Variants in PCDH11Y observed in about 807,000 individuals in gnomAD.
PCDH11Y encodes the protein protocadherin 11 Y-linked.
For missense variants in PCDH11Y, 12 were observed against 224.8 expected (o/e 0.05, Z 6.05); for synonymous variants, 9 against 83.6 (o/e 0.11, Z 4.87).
intron 2 of PCDH11Y, among the ~76,000 whole-genome samples, chrY:5,242,760 C>G: frequency 6.1e-5 from 2 of 32,706 alleles, no homozygotes; most frequent in Non-Finnish European, 7.5e-5. Flanking sequence ...GTCTCAATCA[C>G]AAATGATACC....
chrY:5,397,154 T>C, intron 2 of PCDH11Y, among the ~76,000 whole-genome samples: 1 of 33,783 alleles, frequency 3.0e-5, no homozygotes, highest in Non-Finnish European at 7.3e-5. Context: ...ATGAACATGG[T>C]ACGCCTTTTC....
At chrY:5,605,979 T>G in intron 4 of PCDH11Y, among the ~76,000 whole-genome samples, 1 of 29,999 alleles carries the variant, frequency 3.3e-5, no homozygotes, top group Admixed American at 3.2e-4. Flanking sequence ...TTTCCTAAAC[T>G]TTTTCTTTCT....
At chrY:5,699,855 G>T (rs2053575989) in intron 4 of PCDH11Y, among the ~76,000 whole-genome samples, 1 of 33,209 alleles carries the variant, frequency 3.0e-5, no homozygotes, top group Admixed American at 2.7e-4. Flanking sequence ...TGATCAGCAG[G>T]TTGCATAGAT....
In PCDH11Y at chrY:5,262,119, A is replaced by T; in HGVS notation, c.3129+161412A>T. Among the ~76,000 whole-genome samples the T allele has an allele frequency of 1.2e-4, 4 of 32,842 alleles. No homozygotes were observed. In the South Asian group the frequency reaches 2.7e-3, roughly 22 times the overall value. 88.1% of individuals were successfully genotyped at this position (32,842 alleles called of 37,273 possible). A position where few individuals can be genotyped will look rare whatever the true frequency, so the allele number is the denominator to read the frequency against. ...GTAAAATGATTTATATTCCTTTGGG[A>T]TTCCTTTGGTTGGTCAAATGGTATT... On this transcript the variant is annotated intron_variant, in intron 2 of 4. Coordinates refer to the PCDH11Y transcript ENST00000400457.
At chrY:5,166,046 G>T in intron 2 of PCDH11Y, among the ~76,000 whole-genome samples, 1 of 32,512 alleles carries the variant, frequency 3.1e-5, no homozygotes, top group Non-Finnish European at 7.7e-5. Flanking sequence ...TTAAGGAAAT[G>T]GAATTCCTTG....
intron 3 of PCDH11Y, among the ~76,000 whole-genome samples, chrY:5,506,053 C>T: frequency 3.2e-5 from 1 of 31,365 alleles, no homozygotes; most frequent in South Asian, 7.2e-4. Flanking sequence ...TAAAACTCAG[C>T]CTTTCATAAT....
At chrY:5,613,936 T>C in intron 4 of PCDH11Y, among the ~76,000 whole-genome samples, 7 of 27,125 alleles carry the variant, frequency 2.6e-4, no homozygotes, top group African/African-American at 1.0e-3. Flanking sequence ...AGGGGCTGAA[T>C]AGTTGTGAAA....
chrY:5,119,239 A>C, intron 2 of PCDH11Y, among the ~76,000 whole-genome samples: 1 of 34,209 alleles, frequency 2.9e-5, no homozygotes, highest in Non-Finnish European at 7.3e-5. Flanking sequence ...TAGACAAGGA[A>C]GTCTTTCTTC....
intron 4 of PCDH11Y, among the ~76,000 whole-genome samples, chrY:5,637,048 G>A (rs2053518432): frequency 1.2e-4 from 4 of 32,509 alleles, no homozygotes; most frequent in Admixed American, 1.1e-3. Context: ...TGTAAAAAAT[G>A]TTACTGTTTT....
intron 2 of PCDH11Y, among the ~76,000 whole-genome samples, chrY:5,249,592 A>G: frequency 3.0e-5 from 1 of 33,519 alleles, no homozygotes; most frequent in African/African-American, 1.2e-4. Context: ...AAAAAACCCA[A>G]AAAGAAATCT....
intron 4 of PCDH11Y, among the ~76,000 whole-genome samples, chrY:5,678,364 T>C: frequency 3.1e-5 from 1 of 32,703 alleles, no homozygotes; most frequent in South Asian, 6.8e-4. Flanking sequence ...AAAAAAGTGA[T>C]GTCAAAAAAA....
chrY:5,466,813 G>T, intron 2 of PCDH11Y, among the ~76,000 whole-genome samples: 1 of 32,773 alleles, frequency 3.1e-5, no homozygotes, highest in African/African-American at 1.2e-4. Context: ...GTGAACAATA[G>T]CAGCATCGTT....
chrY:5,505,628 T>C, intron 3 of PCDH11Y, among the ~76,000 whole-genome samples: 10 of 33,413 alleles, frequency 3.0e-4, no homozygotes. Flanking sequence ...TTTATTAAAA[T>C]GATGTCTGCT....
intron 3 of PCDH11Y, among the ~76,000 whole-genome samples, chrY:5,502,018 T>G: frequency 3.1e-5 from 1 of 32,133 alleles, no homozygotes; most frequent in Non-Finnish European, 7.6e-5. Context: ...TTATGTTATG[T>G]ACATAAAAGT....
intron 2 of PCDH11Y, among the ~76,000 whole-genome samples, chrY:5,347,070 C>A: frequency 6.0e-5 from 2 of 33,130 alleles, no homozygotes; most frequent in African/African-American, 1.2e-4. Flanking sequence ...ATAAAAGAAT[C>A]GATGGATGTC....
chrY:5,400,313 C>A, intron 2 of PCDH11Y, among the ~76,000 whole-genome samples: 2 of 34,343 alleles, frequency 5.8e-5, no homozygotes, highest in African/African-American at 1.1e-4. Context: ...TGCCCTCATT[C>A]CAGTAAACCC....
intron 1 of PCDH11Y, among the ~76,000 whole-genome samples, chrY:5,082,388 C>G (rs2124632281): frequency 3.0e-5 from 1 of 32,937 alleles, no homozygotes; most frequent in Admixed American, 2.8e-4. Context: ...AAGAATGATG[C>G]TGGCCTCATA....
chrY:5,365,634 T>C (rs2053179478), intron 2 of PCDH11Y, among the ~76,000 whole-genome samples: 1 of 33,177 alleles, frequency 3.0e-5, no homozygotes, highest in Admixed American at 2.8e-4. Context: ...TGCCACCCTC[T>C]ATAGGATTGT....
intron 1 of PCDH11Y, among the ~76,000 whole-genome samples, chrY:5,060,130 G>T: frequency 1.8e-4 from 6 of 32,505 alleles, no homozygotes; most frequent in African/African-American, 6.0e-4. Context: ...AATAGGATGA[G>T]AATTTAATTA....
Sources: gnomAD v4.1 joint callset for allele counts (sites outside exome capture counted in the v4.1 genomes callset) on GRCh38, gnomAD v4.1.1 for gene constraint, MANE v1.5 for transcripts, NCBI Gene and HGNC (gene_info 2026-07-23, HGNC 2026-07-21) for gene names.